Variants in DLC1 observed in about 807,000 individuals in gnomAD.
The protein encoded by DLC1 is DLC1 Rho GTPase activating protein.
Under a neutral mutation model 140.3 loss-of-function variants are expected in DLC1, and 54 were observed. The ratio of observed to expected loss-of-function variants is 0.38; its 90% CI spans 0.31 to 0.48. The LOEUF (loss-of-function observed/expected upper bound fraction) is 0.48, where lower values mean the gene tolerates loss of function less well. Ranked by LOEUF, DLC1 falls within the 20% of genes least tolerant of loss-of-function variation. DLC1 has a pLI of 0.96. For missense variants in DLC1, 2,536 were observed against 1,907.0 expected (o/e 1.33, Z -6.14); for synonymous variants, 986 against 728.1 (o/e 1.35, Z -5.70).
chr8:13,280,020 C>G (rs759742836), intron 5 of DLC1, among the ~76,000 whole-genome samples: 2 of 151,770 alleles, frequency 1.3e-5, no homozygotes, highest in Non-Finnish European at 2.9e-5. Context: ...TGGCTCACAC[C>G]TGTAATCCCA....
At chr8:13,438,320 T>C (rs1331973551) in intron 2 of DLC1, among the ~76,000 whole-genome samples, 1 of 152,202 alleles carries the variant, frequency 6.6e-6, no homozygotes, top group Non-Finnish European at 1.5e-5. Flanking sequence ...GATGGACAGG[T>C]GCTTAATCAA....
chr8:13,488,129 A>G (rs1054590733), intron 2 of DLC1, among the ~76,000 whole-genome samples: 1 of 152,204 alleles, frequency 6.6e-6, no homozygotes, highest in Non-Finnish European at 1.5e-5. Flanking sequence ...CTTTCAGTCA[A>G]TTATGCTGAC....
intron 4 of DLC1, among the ~76,000 whole-genome samples, chr8:13,390,680 T>G (rs1487886203): frequency 6.6e-6 from 1 of 152,156 alleles, no homozygotes; most frequent in Non-Finnish European, 1.5e-5. Flanking sequence ...GTTCTGCACA[T>G]GTATCCTGGA....
intron 1 of DLC1, among the ~76,000 whole-genome samples, chr8:13,545,525 G>C (rs959676947): frequency 1.3e-5 from 2 of 152,060 alleles, no homozygotes; most frequent in African/African-American, 4.8e-5. Flanking sequence ...GTATGACAAG[G>C]TTTACTCTTC....
intron 2 of DLC1, among the ~76,000 whole-genome samples, chr8:13,414,383 T>A (rs529004885): frequency 6.6e-6 from 1 of 152,210 alleles, no homozygotes; most frequent in African/African-American, 2.4e-5. Context: ...GCTAATTTTG[T>A]TGAGAACTTG....
At chr8:13,509,214 C>G (rs1683655914) in intron 1 of DLC1, among the ~76,000 whole-genome samples, 1 of 152,208 alleles carries the variant, frequency 6.6e-6, no homozygotes, top group South Asian at 2.1e-4. Context: ...TAAGAACACT[C>G]CAACAGTAGA....
At chr8:13,272,927 C>T (rs1046709593) in intron 5 of DLC1, among the ~76,000 whole-genome samples, 1 of 152,190 alleles carries the variant, frequency 6.6e-6, no homozygotes, top group Non-Finnish European at 1.5e-5. Flanking sequence ...ATACTCACTT[C>T]TCCATATTTT....
At position 13,232,424 on chromosome 8, in the gene DLC1, C is replaced by A. The variant is rs190941440; in HGVS notation, c.1348+72845G>T. Among the ~76,000 whole-genome samples the A allele has an allele frequency of 1.0e-3, 159 of 152,130 alleles. 2 individuals carry two copies. The highest frequency in any genetic ancestry group is 3.4e-3 in the Middle Eastern group (1 of 294). ...TCTTGGCTCACTGCAACCTCTGCCT[C>A]CCGGGTTCAAGCGATTCTCCTGCCT... On this transcript the variant is annotated intron_variant, in intron 5 of 17. Coordinates refer to ENST00000276297, the MANE Select transcript of DLC1 (RefSeq NM_182643.3).
chr8:13,241,543 T>A (rs961787090), intron 5 of DLC1, among the ~76,000 whole-genome samples: 4 of 152,168 alleles, frequency 2.6e-5, no homozygotes, highest in African/African-American at 7.2e-5. Flanking sequence ...AAACTGATAT[T>A]TCAGTAAGAG....
intron 4 of DLC1, among the ~76,000 whole-genome samples, chr8:13,382,529 A>AAAAAAAAG (rs557423876): frequency 9.1e-6 from 1 of 109,432 alleles, no homozygotes; most frequent in African/African-American, 3.6e-5. Context: ...AAAAAAAAAA[A>AAAAAAAAG]AAAGAAAGAG....
chr8:13,086,582 T>C (rs1817586528), intron 16 of DLC1, 119 bp from the exon 17 acceptor site: 9 of 1,155,900 alleles, frequency 7.8e-6, no homozygotes, highest in Admixed American at 2.4e-5. Context: ...GGCCATGCTG[T>C]GTGACCCAGG....
intron 5 of DLC1, among the ~76,000 whole-genome samples, chr8:13,159,226 T>C (rs781030324): frequency 6.6e-6 from 1 of 152,130 alleles, no homozygotes; most frequent in Non-Finnish European, 1.5e-5. Flanking sequence ...TTCTCATGCG[T>C]CCACTCCCTA....
intron 1 of DLC1, among the ~76,000 whole-genome samples, chr8:13,586,332 T>C (rs1489771735): frequency 6.6e-6 from 1 of 152,114 alleles, no homozygotes; most frequent in South Asian, 2.1e-4. Flanking sequence ...GATAGATGAT[T>C]TCTAGAAACA....
At chr8:13,222,339 T>C (rs922629115) in intron 5 of DLC1, among the ~76,000 whole-genome samples, 5 of 152,160 alleles carry the variant, frequency 3.3e-5, no homozygotes, top group Non-Finnish European at 5.9e-5. Context: ...GATTATTCTG[T>C]ATTGGATTTT....
At chr8:13,157,442 A>G (rs998288286) in intron 5 of DLC1, among the ~76,000 whole-genome samples, 2 of 151,636 alleles carry the variant, frequency 1.3e-5, no homozygotes, top group African/African-American at 4.9e-5. Context: ...AGAGGGGACA[A>G]TTGGAATAAG....
chr8:13,484,720 T>A (rs985462408), intron 2 of DLC1, among the ~76,000 whole-genome samples: 1 of 152,010 alleles, frequency 6.6e-6, no homozygotes, highest in South Asian at 2.1e-4. Context: ...CAGAAGGAAC[T>A]AATGGCAGCA....
intron 4 of DLC1, among the ~76,000 whole-genome samples, chr8:13,392,297 C>A (rs1836796578): frequency 6.6e-6 from 1 of 152,102 alleles, no homozygotes; most frequent in African/African-American, 2.4e-5. Context: ...TTATTCCTCC[C>A]CAAGTCTTTT....
chr8:13,340,883 C>G (rs1834009603), intron 4 of DLC1: 1 of 152,208 alleles, frequency 6.6e-6, no homozygotes, highest in African/African-American at 2.4e-5. Flanking sequence ...GTTCAGCCAT[C>G]CTCTATGGCT....
chr8:13,568,524 G>A (rs980922839), intron 1 of DLC1, among the ~76,000 whole-genome samples: 1 of 152,170 alleles, frequency 6.6e-6, no homozygotes, highest in Non-Finnish European at 1.5e-5. Flanking sequence ...ACTGGGGGAA[G>A]GGTGGGGATC....
Sources: allele counts gnomAD v4.1 joint callset (sites outside exome capture counted in the v4.1 genomes callset), GRCh38; gene constraint gnomAD v4.1.1; transcripts MANE v1.5; gene names NCBI Gene and HGNC (gene_info 2026-07-23, HGNC 2026-07-21).